The following GABRG3 variants were observed in gnomAD, a reference collection of about 807,000 sequenced individuals.
The protein encoded by GABRG3 is gamma-aminobutyric acid receptor subunit gamma-3.
In GABRG3, 25 loss-of-function variants were observed where a neutral mutation model predicts 48.8. That is an observed-to-expected ratio of 0.51 (90% CI 0.37 to 0.72). The LOEUF (loss-of-function observed/expected upper bound fraction) is 0.72, where lower values mean the gene tolerates loss of function less well. Among genes scored for constraint, GABRG3 ranks in the 30% least tolerant of loss-of-function variants. The pLI is 0.00. For synonymous variants in GABRG3, 227 were observed against 217.6 expected (o/e 1.04, Z -0.38); for missense variants, 394 against 577.9 (o/e 0.68, Z 3.26).
chr15:27,184,993 C>T (rs1158926436), intron 3 of GABRG3, among the ~76,000 whole-genome samples: 2 of 151,758 alleles, frequency 1.3e-5, no homozygotes, highest in Admixed American at 1.3e-4. Context: ...CATTTTGTTT[C>T]CTTGATTTTT....
At chr15:27,168,466 C>T (rs1038406006) in intron 3 of GABRG3, among the ~76,000 whole-genome samples, 1 of 152,228 alleles carries the variant, frequency 6.6e-6, no homozygotes, top group East Asian at 1.9e-4. Context: ...TCTTAGGACT[C>T]TTGTATCATC....
chr15:27,356,276 G>T (rs886469944), intron 5 of GABRG3, among the ~76,000 whole-genome samples: 1 of 152,094 alleles, frequency 6.6e-6, no homozygotes, highest in Non-Finnish European at 1.5e-5. Context: ...AGGGGGTGGG[G>T]AGAGAGGTCT....
chr15:27,363,583 A>T (rs2140548658), intron 5 of GABRG3: 1 of 152,042 alleles, frequency 6.6e-6, no homozygotes, highest in Admixed American at 6.6e-5. Flanking sequence ...AGGGTGCAGG[A>T]TTCAGCAGAG....
intron 3 of GABRG3, among the ~76,000 whole-genome samples, chr15:27,211,413 C>T (rs1362754549): frequency 1.3e-5 from 2 of 152,152 alleles, no homozygotes; most frequent in Non-Finnish European, 2.9e-5. Context: ...AGCGTGGAGC[C>T]GCCCCATCCT....
At chr15:27,216,895 T>C (rs1042865865) in intron 3 of GABRG3, among the ~76,000 whole-genome samples, 63 of 147,616 alleles carry the variant, frequency 4.3e-4, no homozygotes, top group African/African-American at 1.6e-3. Context: ...TCATCTAGCA[T>C]TAGGTATATC....
chr15:27,451,319 AC>A (rs1390199448), intron 5 of GABRG3, among the ~76,000 whole-genome samples: 1 of 152,180 alleles, frequency 6.6e-6, no homozygotes, highest in African/African-American at 2.4e-5. Context: ...AAAATAGCAT[AC>A]TACTGACACA....
chr15:27,254,828 A>C (rs1890562122), intron 3 of GABRG3, among the ~76,000 whole-genome samples: 1 of 152,154 alleles, frequency 6.6e-6, no homozygotes, highest in African/African-American at 2.4e-5. Flanking sequence ...TTGGGTAGGC[A>C]CAAAGTCAGG....
chr15:27,306,976 T>TAGA (rs756314426), intron 3 of GABRG3, among the ~76,000 whole-genome samples: 18,193 of 67,522 alleles, frequency 0.27, 6,332 homozygotes, highest in Non-Finnish European at 0.44. Flanking sequence ...TATAAACATA[T>TAGA]ATAATATAAA....
At chr15:27,161,115 C>T (rs1000507734) in intron 3 of GABRG3, 1 of 152,140 alleles carries the variant, frequency 6.6e-6, no homozygotes, top group African/African-American at 2.4e-5. Context: ...TCTCTTTCTT[C>T]TGTTTTGGAC....
In GABRG3 at chr15:27,240,819, C is replaced by T. The variant is rs547833949; in HGVS notation, c.271-85990C>T. 4.6e-5 allele frequency among the ~76,000 whole-genome samples: 7 copies of T among 152,300 alleles called. No homozygotes were observed. The East Asian group carries it at 1.3e-3, about 29-fold the overall frequency. On this transcript the variant is annotated intron_variant, in intron 3 of 9. Transcript: ENST00000615808. ...ATAATGTGTGAAATGCAGGTTTCAA[C>T]ACTTAACTGAACGTGATCAGTTGAT...
chr15:27,459,042 A>T (rs371812618), intron 5 of GABRG3, among the ~76,000 whole-genome samples: 28 of 152,194 alleles, frequency 1.8e-4, no homozygotes, highest in African/African-American at 5.1e-4. Flanking sequence ...CAACACCCAT[A>T]AGTCTTCTCT....
intron 3 of GABRG3, among the ~76,000 whole-genome samples, chr15:27,276,629 GC>G (rs1891263038): frequency 6.6e-6 from 1 of 152,008 alleles, no homozygotes; most frequent in African/African-American, 2.4e-5. Flanking sequence ...GGAATGATTA[GC>G]TTTTTTTTTT....
intron 5 of GABRG3, among the ~76,000 whole-genome samples, chr15:27,385,509 T>C (rs573506953): frequency 2.0e-5 from 3 of 152,078 alleles, no homozygotes; most frequent in South Asian, 4.1e-4. Context: ...TCACCTGTGT[T>C]GAAGCACTAA....
At chr15:27,284,219 C>A (rs975003592) in intron 3 of GABRG3, among the ~76,000 whole-genome samples, 1 of 152,150 alleles carries the variant, frequency 6.6e-6, no homozygotes, top group Non-Finnish European at 1.5e-5. Flanking sequence ...TTTCTATTAA[C>A]AACTGGGGCT....
intron 3 of GABRG3, among the ~76,000 whole-genome samples, chr15:27,324,460 G>A (rs1893537103): frequency 6.6e-6 from 1 of 152,132 alleles, no homozygotes; most frequent in Non-Finnish European, 1.5e-5. Flanking sequence ...GGGCCCCTGA[G>A]GTATGTTTTC....
chr15:27,264,916 T>C (rs1263518300), intron 3 of GABRG3, among the ~76,000 whole-genome samples: 2 of 152,106 alleles, frequency 1.3e-5, no homozygotes, highest in African/African-American at 4.8e-5. Context: ...TTATACCTTA[T>C]AAAAATTTAA....
chr15:27,519,224 A>T (rs1455128723), intron 6 of GABRG3, among the ~76,000 whole-genome samples: 2 of 152,138 alleles, frequency 1.3e-5, no homozygotes, highest in African/African-American at 2.4e-5. Flanking sequence ...CCTAGACAAG[A>T]AATCAATGGA....
Position 27,121,071 on chromosome 15 carries a change from G to A in GABRG3, c.270+94250G>A, listed in dbSNP as rs149847480. ...AATTTTTGGATTCCATTTTCACTTC[G>A]TTTATTATCTCTAGCTAGCAAAATT... On this transcript the variant is annotated intron_variant, in intron 3 of 9. Transcript: ENST00000615808. 1.1e-3 allele frequency among the ~76,000 whole-genome samples: 173 copies of A among 152,248 alleles called. 2 individuals are homozygous for A. Among genetic ancestry groups the A allele is most frequent in the African/African-American group, 2.5e-3 (104 of 41,538 alleles).
intron 3 of GABRG3, among the ~76,000 whole-genome samples, chr15:27,286,492 A>G (rs990791452): frequency 1.3e-5 from 2 of 152,228 alleles, no homozygotes; most frequent in African/African-American, 4.8e-5. Flanking sequence ...AAGTCGGTCA[A>G]ATGTGGAGAG....
Sources: gnomAD v4.1 joint callset for allele counts (sites outside exome capture counted in the v4.1 genomes callset) on GRCh38, gnomAD v4.1.1 for gene constraint, MANE v1.5 for transcripts, NCBI Gene and HGNC (gene_info 2026-07-23, HGNC 2026-07-21) for gene names.